The following SAMD4A variants were observed in gnomAD, a reference collection of about 807,000 sequenced individuals.
SAMD4A encodes the protein protein Smaug homolog 1.
In SAMD4A, 33 loss-of-function variants were observed where a neutral mutation model predicts 81.3. That is an observed-to-expected ratio of 0.41 (90% CI 0.31 to 0.54). The LOEUF (loss-of-function observed/expected upper bound fraction) is 0.54, where lower values mean the gene tolerates loss of function less well. SAMD4A is among the 20% of genes least tolerant of loss of function. SAMD4A has a pLI of 0.37. For synonymous variants in SAMD4A, 389 were observed against 382.1 expected, an observed-to-expected ratio of 1.02 and a Z score of -0.21; for missense variants, 854 against 951.1, an observed-to-expected ratio of 0.90 and a Z score of 1.34.
chr14:54,630,193 G>A (rs557800155), intron 2 of SAMD4A, among the ~76,000 whole-genome samples: 2 of 152,232 alleles, frequency 1.3e-5, no homozygotes, highest in African/African-American at 2.4e-5. Context: ...GGTATATATC[G>A]AGAAGTGGAA....
chr14:54,663,821 C>G (rs1158833130), intron 2 of SAMD4A, among the ~76,000 whole-genome samples: 2 of 152,216 alleles, frequency 1.3e-5, no homozygotes. Context: ...AATGAGCGCA[C>G]CAACCTCTAT....
At chr14:54,606,962 G>A (rs183897454) in intron 2 of SAMD4A, among the ~76,000 whole-genome samples, 1 of 152,362 alleles carries the variant, frequency 6.6e-6, no homozygotes, top group Admixed American at 6.5e-5. Flanking sequence ...GGAGAGCAGG[G>A]TGCAGCCTGC....
chr14:54,613,884 C>T (rs57571275), intron 2 of SAMD4A, among the ~76,000 whole-genome samples: 3,128 of 152,218 alleles, frequency 0.021, 112 homozygotes, highest in African/African-American at 0.071. Context: ...CTTTTTTGCT[C>T]GTGTTACCTC....
intron 2 of SAMD4A, among the ~76,000 whole-genome samples, chr14:54,574,773 CAGTT>C (rs1289266706): frequency 6.6e-6 from 1 of 152,136 alleles, no homozygotes; most frequent in African/African-American, 2.4e-5. Flanking sequence ...ACATCTGAAA[CAGTT>C]AGAGGAAAAG....
At chr14:54,637,747 A>G (rs2035071057) in intron 2 of SAMD4A, among the ~76,000 whole-genome samples, 1 of 152,226 alleles carries the variant, frequency 6.6e-6, no homozygotes, top group Admixed American at 6.5e-5. Flanking sequence ...TGTAAGTGAC[A>G]CAGTGATGTA....
At chr14:54,688,794 C>A (rs1046783395) in intron 2 of SAMD4A, among the ~76,000 whole-genome samples, 1 of 152,172 alleles carries the variant, frequency 6.6e-6, no homozygotes, top group Non-Finnish European at 1.5e-5. Flanking sequence ...CTTACTCGAT[C>A]CTCCAAATGC....
chr14:54,763,204 A>G (rs1028086911), intron 7 of SAMD4A, among the ~76,000 whole-genome samples: 87 of 125,806 alleles, frequency 6.9e-4, no homozygotes, highest in African/African-American at 3.2e-3. Context: ...TCTTTTCTAC[A>G]GGCTGGTGGG....
chr14:54,749,751 T>C (rs2038055003), intron 5 of SAMD4A, among the ~76,000 whole-genome samples: 1 of 152,254 alleles, frequency 6.6e-6, no homozygotes, highest in African/African-American at 2.4e-5. Context: ...GCTATTTGCA[T>C]GTTTCACATT....
At chr14:54,586,758 G>A (rs192748646) in intron 2 of SAMD4A, among the ~76,000 whole-genome samples, 1 of 152,170 alleles carries the variant, frequency 6.6e-6, no homozygotes, top group Admixed American at 6.5e-5. Flanking sequence ...TTATTTCTGG[G>A]TTCTCTATTT....
chr14:54,628,308 C>T (rs2034814106), intron 2 of SAMD4A, among the ~76,000 whole-genome samples: 1 of 152,084 alleles, frequency 6.6e-6, no homozygotes, highest in Non-Finnish European at 1.5e-5. Context: ...TTTGCCCGGA[C>T]GGTCTAGGTG....
At chr14:54,678,461 GTGTGTGTGTGTGTGTGT>G (rs2036042803) in intron 2 of SAMD4A, among the ~76,000 whole-genome samples, 1 of 50,490 alleles carries the variant, frequency 2.0e-5, no homozygotes, top group Non-Finnish European at 4.8e-5. Flanking sequence ...GTGTGTGTGT[GTGTGTGTGTGTGTGTGT>G]GTGTGTGTGT....
chr14:54,701,227 C>T (rs1306885508), intron 2 of SAMD4A: 1 of 152,102 alleles, frequency 6.6e-6, no homozygotes, highest in Non-Finnish European at 1.5e-5. Context: ...GTCTCTAACT[C>T]CTGGGCTCAA....
chr14:54,594,979 A>G (rs544836538), intron 2 of SAMD4A, among the ~76,000 whole-genome samples: 1 of 152,374 alleles, frequency 6.6e-6, no homozygotes, highest in African/African-American at 2.4e-5. Context: ...AATGAAGACA[A>G]TGACATTTTT....
chr14:54,614,113 A>C (rs1423851180), intron 2 of SAMD4A, among the ~76,000 whole-genome samples: 1 of 152,260 alleles, frequency 6.6e-6, no homozygotes, highest in African/African-American at 2.4e-5. Context: ...GATTGAATGC[A>C]GAAGGAGATA....
intron 2 of SAMD4A, among the ~76,000 whole-genome samples, chr14:54,581,779 G>A (rs1230848088): frequency 6.6e-6 from 1 of 152,144 alleles, no homozygotes; most frequent in Non-Finnish European, 1.5e-5. Flanking sequence ...TGTTTTTAAA[G>A]AGGTAAACCT....
chr14:54,760,283 G>A lies in SAMD4A; in HGVS notation c.1299G>A (p.Gln433=), dbSNP rs1414326624. The A allele has an allele frequency of 6.2e-7, 1 of 1,612,050 alleles. No individual in the cohort carries two copies. Among genetic ancestry groups the A allele is most frequent in the Non-Finnish European group, 8.5e-7 (1 of 1,179,718 alleles). Residue 433 remains glutamine, a synonymous_variant, in exon 7 of 13, where the codon CAG becomes CAA. Coordinates refer to ENST00000554335, the MANE Select transcript of SAMD4A (RefSeq NM_015589.6). ...TTPEARRREP[Q]APRQPSLMGP... is the part of the protein sequence containing the mutation. ...CCGAGGCTCGCCGCCGGGAGCCCCA[G>A]GCCCCGCGTCAGCCCTCACTGATGG...
At chr14:54,760,648 G>C (rs538848374) in intron 7 of SAMD4A, among the ~76,000 whole-genome samples, 154 bp downstream of exon 7, 7 of 152,226 alleles carry the variant, frequency 4.6e-5, no homozygotes, top group Non-Finnish European at 1.0e-4. Flanking sequence ...AGTTCAGAGA[G>C]GTTAAGCCTT....
intron 2 of SAMD4A, among the ~76,000 whole-genome samples, chr14:54,573,141 T>C (rs895051850): frequency 1.6e-4 from 25 of 152,258 alleles, no homozygotes; most frequent in African/African-American, 5.8e-4. Context: ...GTAATTTTCT[T>C]TGGGTCAGTC....
Position 54,568,013 on chromosome 14 carries a change from G to T in SAMD4A, c.97G>T (p.Val33Leu), listed in dbSNP as rs755888244. 5.0e-6 allele frequency: 8 copies of T among 1,607,686 alleles called. No individual in the cohort carries two copies. The highest frequency in any genetic ancestry group is 6.8e-6 in the Non-Finnish European group (8 of 1,179,494). ...TGCGCTGCTGTCGCTGCTCAAGCGC[G>T]TGAGCCAGACCCAGGCCCGCTTCCT... is the stretch of plus-strand genomic sequence containing the variant. ...TVALLSLLKRVSQTQARFLQL... is the reference protein window; with the variant it reads ...TVALLSLLKRLSQTQARFLQL... Residue 33 changes from valine to leucine, a missense_variant, in exon 2 of 13, where the codon GTG becomes TTG. Physicochemically the swap from Val to Leu is conservative, Grantham distance 32 (BLOSUM62 1). Coordinates refer to ENST00000554335, the MANE Select transcript of SAMD4A (RefSeq NM_015589.6).
Sources: gnomAD v4.1 joint callset for allele counts (sites outside exome capture counted in the v4.1 genomes callset) on GRCh38, gnomAD v4.1.1 for gene constraint, MANE v1.5 for transcripts, NCBI Gene and HGNC (gene_info 2026-07-23, HGNC 2026-07-21) for gene names.